WASHC2C: variants seen among roughly 807,000 people sequenced by gnomAD.
The protein encoded by WASHC2C is Vaccinia Penetration Factor.
WASHC2C carries 73 observed loss-of-function variants against 142.2 expected under a neutral mutation model. The ratio of observed to expected loss-of-function variants is 0.51; its 90% CI spans 0.43 to 0.62. The LOEUF (loss-of-function observed/expected upper bound fraction) is 0.62. Among genes scored for constraint, WASHC2C ranks in the 20% least tolerant of loss-of-function variants. The pLI, the probability that WASHC2C is intolerant of heterozygous loss-of-function variation, is 0.00. For missense variants in WASHC2C, 969 were observed against 1,531.7 expected (o/e 0.63, Z 6.13); for synonymous variants, 337 against 565.5 (o/e 0.60, Z 5.73).
chr10:45,787,379 C>CA (rs2058117380), intron 28 of WASHC2C, 132 bp downstream of exon 28: 1 of 1,521,774 alleles, frequency 6.6e-7, no homozygotes, highest in Non-Finnish European at 8.9e-7. Context: ...ATCCTTCCTT[C>CA]AGCCGCTCCC....
chr10:45,764,423 G>A (rs2055536191), intron 18 of WASHC2C, among the ~76,000 whole-genome samples: 1 of 151,774 alleles, frequency 6.6e-6, no homozygotes, highest in Non-Finnish European at 1.5e-5. Flanking sequence ...GTGTCATTCA[G>A]GGTGAGCTGT....
intron 17 of WASHC2C, among the ~76,000 whole-genome samples, chr10:45,762,951 G>A (rs1484539832): frequency 5.9e-5 from 9 of 152,272 alleles, no homozygotes; most frequent in African/African-American, 2.2e-4. Flanking sequence ...AGAGGAGGGT[G>A]TTACTAAATA....
chr10:45,749,793 T>C (rs1446774555), intron 8 of WASHC2C, among the ~76,000 whole-genome samples: 1 of 136,092 alleles, frequency 7.3e-6, no homozygotes, highest in Non-Finnish European at 1.5e-5. Flanking sequence ...GCTGATGCAC[T>C]CCAGCCTGGG....
intron 21 of WASHC2C, among the ~76,000 whole-genome samples, chr10:45,773,892 CAAAAAAAAA>C (rs71023148): frequency 2.3e-4 from 7 of 31,088 alleles, no homozygotes; most frequent in African/African-American, 7.9e-4. Flanking sequence ...TACTGCAGGC[CAAAAAAAAA>C]AAAAAAAAAA....
At chr10:45,761,307 C>T (rs1217072208) in intron 17 of WASHC2C, among the ~76,000 whole-genome samples, 4 of 152,014 alleles carry the variant, frequency 2.6e-5, no homozygotes, top group African/African-American at 9.7e-5. Context: ...TCAGAGAGAG[C>T]CCGATGGAGG....
intron 26 of WASHC2C, chr10:45,785,972 A>G: frequency 3.3e-6 from 1 of 305,620 alleles, no homozygotes; most frequent in Non-Finnish European, 6.2e-6. Context: ...ATAGAAATAA[A>G]TATAAATTAC....
chr10:45,788,126 T>TTTTTA (rs1485942291), intron 28 of WASHC2C, among the ~76,000 whole-genome samples: 4 of 152,140 alleles, frequency 2.6e-5, no homozygotes, highest in Non-Finnish European at 4.4e-5. Context: ...TTTTATTAAG[T>TTTTTA]TTAAATTGGC....
In WASHC2C at chr10:45,790,268, A is replaced by G. The variant is rs1484189934; in HGVS notation, c.3709-88A>G. The G allele has an allele frequency of 1.2e-5, 20 of 1,600,456 alleles. No individual in the cohort carries two copies. In the African/African-American group the frequency reaches 1.9e-4, roughly 15 times the overall value. On this transcript the variant is annotated intron_variant, in intron 29 of 30. Coordinates refer to ENST00000623400, the MANE Select transcript of WASHC2C (RefSeq NM_001330074.2). Reference sequence around the variant, plus strand: ...GAGGCCGTTCCACACACCCTGGCCAATTGCATTTCCATAGCTTGTTGACGT... The same window carrying G: ...GAGGCCGTTCCACACACCCTGGCCAGTTGCATTTCCATAGCTTGTTGACGT...
Position 45,784,379 on chromosome 10 carries a change from G to A in WASHC2C, c.2479-186G>A, listed in dbSNP as rs534205906. On this transcript the variant is annotated intron_variant, in intron 23 of 30. Coordinates refer to ENST00000623400, the MANE Select transcript of WASHC2C (RefSeq NM_001330074.2). Reference sequence around the variant, plus strand: ...TATATTTTCTGGTATTTTTGGAAGCGCCATAGCATTCCATTTTGTCAATGT... The same window carrying A: ...TATATTTTCTGGTATTTTTGGAAGCACCATAGCATTCCATTTTGTCAATGT... 7.6e-3 allele frequency among the ~76,000 whole-genome samples: 1,068 copies of A among 140,120 alleles called. 13 individuals carry two copies. Among genetic ancestry groups the A allele is most frequent in the African/African-American group, 0.027 (1,017 of 38,016 alleles). The allele number at this position is 140,120 out of a possible 152,430, so 91.9% of individuals were successfully genotyped here.
intron 30 of WASHC2C, among the ~76,000 whole-genome samples, chr10:45,791,428 T>C (rs1229678758): frequency 2.7e-5 from 4 of 147,786 alleles, no homozygotes; most frequent in Non-Finnish European, 6.1e-5. Flanking sequence ...CACAGTGATA[T>C]TAATATATGT....
Position 45,789,274 on chromosome 10 carries a change from G to C in WASHC2C, c.3491G>C (p.Gly1164Ala). 1 of 1,612,084 alleles carries C rather than the reference G, an allele frequency of 6.2e-7. No homozygotes were observed. Among genetic ancestry groups the C allele is most frequent in the Non-Finnish European group, 8.5e-7 (1 of 1,179,870 alleles). The change falls in exon 29 of 31, where the codon GGT becomes GCT. Residue 1164 changes from glycine (G) to alanine (A), a missense_variant. Physicochemically the swap from Gly to Ala is moderately conservative, Grantham distance 60. Transcript: ENST00000623400. ...GAGAATCCTGCCAACCCACCAGTGG[G>C]TGGTAAAGCAAAGAGCCCCATGTTT... ...IAENPANPPV[G>A]GKAKSPMFPA...
intron 10 of WASHC2C, 135 bp downstream of exon 10, chr10:45,750,973 A>G: frequency 2.2e-6 from 2 of 920,492 alleles, no homozygotes; most frequent in Non-Finnish European, 3.2e-6. Flanking sequence ...ATATAATTTA[A>G]ATTGTAGCGC....
Position 45,755,107 on chromosome 10 carries a change from C to T in WASHC2C, c.1412C>T (p.Ser471Phe). 6.2e-7 allele frequency: 1 copy of T among 1,607,974 alleles called. No homozygotes were observed. The highest frequency in any genetic ancestry group is 1.1e-5 in the South Asian group (1 of 90,716). The change falls in exon 15 of 31, where the codon TCT (serine) becomes TTT (phenylalanine). Residue 471 changes from serine to phenylalanine, a missense_variant. Coordinates refer to ENST00000623400, the MANE Select transcript of WASHC2C (RefSeq NM_001330074.2). ...DFFSAPHSKPSKTRKVQSTAD... is the reference protein window; with the variant it reads ...DFFSAPHSKPFKTRKVQSTAD... ...TTCTCGGCACCCCACAGCAAACCTT[C>T]TAAAACACGTATGTGTTCCTGCCTC... is the stretch of plus-strand genomic sequence containing the variant.
rs1420293820 is a variant in WASHC2C at position 45,746,496 on chromosome 10, C to T, written c.685-104C>T. On this transcript the variant is annotated intron_variant, in intron 7 of 30. Transcript: ENST00000623400. ...AGACTGAGTGTCAGAGCTTTTTCTCCACTTGACATAGAATCAGCCTGCCCC... is the reference window on the plus strand; with the variant it reads ...AGACTGAGTGTCAGAGCTTTTTCTCTACTTGACATAGAATCAGCCTGCCCC... The T allele has an allele frequency of 1.1e-5, 15 of 1,346,084 alleles. 1 individual carries two copies. The highest frequency in any genetic ancestry group is 4.6e-5 in the East Asian group (2 of 43,218). The allele number at this position is 1,346,084 out of a possible 1,614,324, so 83.4% of individuals were successfully genotyped here.
intron 7 of WASHC2C, among the ~76,000 whole-genome samples, chr10:45,745,495 C>T (rs1323500348): frequency 2.6e-5 from 4 of 151,678 alleles, no homozygotes; most frequent in East Asian, 1.9e-4. Context: ...ATGGGATTTC[C>T]GAAAGGAGAC....
At chr10:45,744,632 G>T (rs1554870239) in intron 6 of WASHC2C, among the ~76,000 whole-genome samples, 189 bp from the exon 7 acceptor site, 1 of 151,904 alleles carries the variant, frequency 6.6e-6, no homozygotes, top group African/African-American at 2.4e-5. Flanking sequence ...AATTTTTGGG[G>T]GGAGAGATAC....
Position 45,729,044 on chromosome 10 carries a change from A to G in WASHC2C, c.291+18A>G. The G allele has an allele frequency of 6.3e-7, 1 of 1,598,410 alleles. No homozygotes were observed. The highest frequency in any genetic ancestry group is 8.5e-7 in the Non-Finnish European group (1 of 1,172,884). ...TAGAGAATGTGAGTTATTTAGTTAT[A>G]TTATAATTCCTTTTTTGGGAGTAGG... On this transcript the variant is annotated intron_variant, in intron 3 of 30. Transcript: ENST00000623400.
At chr10:45,749,354 G>A (rs1248313093) in intron 8 of WASHC2C, among the ~76,000 whole-genome samples, 1 of 151,134 alleles carries the variant, frequency 6.6e-6, no homozygotes. Flanking sequence ...AGAATGGCTT[G>A]AACCTAGGAG....
chr10:45,784,291 C>CATATATAT (rs1270243147), intron 23 of WASHC2C, among the ~76,000 whole-genome samples: 33 of 8,774 alleles, frequency 3.8e-3, no homozygotes, highest in East Asian at 0.015. Flanking sequence ...TATATATATA[C>CATATATAT]ACATATATAT....
Sources: gnomAD v4.1 joint callset for allele counts (sites outside exome capture counted in the v4.1 genomes callset) on GRCh38, gnomAD v4.1.1 for gene constraint, MANE v1.5 for transcripts, NCBI Gene and HGNC (gene_info 2026-07-23, HGNC 2026-07-21) for gene names.